Variants in SLC4A4 observed in about 807,000 individuals in gnomAD.
The protein encoded by SLC4A4 is electrogenic sodium bicarbonate cotransporter 1.
Under a neutral mutation model 111.5 loss-of-function variants are expected in SLC4A4, and 27 were observed. That is an observed-to-expected ratio of 0.24 (90% CI 0.18 to 0.33). The LOEUF (loss-of-function observed/expected upper bound fraction) is 0.33, where lower values mean the gene tolerates loss of function less well. Among genes scored for constraint, SLC4A4 ranks in the 10% least tolerant of loss-of-function variants. The pLI, the probability that SLC4A4 is intolerant of heterozygous loss-of-function variation, is 1.00. For synonymous variants in SLC4A4, 443 were observed against 463.4 expected, an observed-to-expected ratio of 0.96 and a Z score of 0.57; for missense variants, 909 against 1,315.5, an observed-to-expected ratio of 0.69 and a Z score of 4.78.
rs188708162 is a variant in SLC4A4 at position 71,276,220 on chromosome 4, C to T, written c.253+20821C>T. On this transcript the variant is annotated intron_variant, in intron 3 of 25. Coordinates refer to ENST00000264485, the MANE Select transcript of SLC4A4 (RefSeq NM_001098484.3). ...GATAGTACAGAAAGGTCTCATGTAT[C>T]CTTCAGTCCATTTCCCCAATGGTTA... Among the ~76,000 whole-genome samples, 18 of 152,290 alleles carry T rather than the reference C, an allele frequency of 1.2e-4. No individual in the cohort carries two copies. The East Asian group carries it at 2.7e-3, about 23-fold the overall frequency.
At chr4:71,565,630 A>G (rs993336634) in intron 24 of SLC4A4, among the ~76,000 whole-genome samples, 4 of 151,868 alleles carry the variant, frequency 2.6e-5, no homozygotes, top group African/African-American at 9.7e-5. Flanking sequence ...CTGGGCCCCA[A>G]CAGACCAAAC....
intron 14 of SLC4A4, among the ~76,000 whole-genome samples, chr4:71,481,418 G>A (rs1053110152): frequency 1.3e-5 from 2 of 151,616 alleles, no homozygotes; most frequent in Non-Finnish European, 3.0e-5. Context: ...AGATAAAGGG[G>A]AAGAACCTTT....
At chr4:71,080,662 G>A (rs1235296203) in intron 1 of SLC4A4, among the ~76,000 whole-genome samples, 1 of 151,968 alleles carries the variant, frequency 6.6e-6, no homozygotes, top group Non-Finnish European at 1.5e-5. Flanking sequence ...TTGTGCTAAT[G>A]GGCTCGTTAG....
Position 71,255,412 on chromosome 4 carries a change from T to C in SLC4A4, c.253+13T>C, listed in dbSNP as rs534397113. 2 of 1,612,870 alleles carry C rather than the reference T, an allele frequency of 1.2e-6. No homozygotes were observed. Among genetic ancestry groups the C allele is most frequent in the Non-Finnish European group, 1.7e-6 (2 of 1,179,176 alleles). Reference sequence around the variant, plus strand: ...CTAAAACCTCTCAGTGAGTACTCTCTGAGCGTTGGTGCCTCTCTCTGCCTC... The same window carrying C: ...CTAAAACCTCTCAGTGAGTACTCTCCGAGCGTTGGTGCCTCTCTCTGCCTC... On this transcript the variant is annotated intron_variant, in intron 3 of 25. Transcript: ENST00000264485.
chr4:71,556,839 C>G (rs1326569199), intron 21 of SLC4A4, among the ~76,000 whole-genome samples: 1 of 151,908 alleles, frequency 6.6e-6, no homozygotes, highest in Non-Finnish European at 1.5e-5. Flanking sequence ...GCACTTCTTT[C>G]CCTCCAGAAA....
chr4:71,538,608 A>G (rs2149221451), intron 18 of SLC4A4, among the ~76,000 whole-genome samples: 1 of 152,268 alleles, frequency 6.6e-6, no homozygotes. Context: ...CTGCTATGAA[A>G]TTGTTTCAAA....
intron 4 of SLC4A4, among the ~76,000 whole-genome samples, chr4:71,349,655 A>G (rs560853139): frequency 1.3e-5 from 2 of 152,296 alleles, no homozygotes; most frequent in African/African-American, 4.8e-5. Context: ...ATATAGGCAG[A>G]TATAAAACCA....
intron 2 of SLC4A4, among the ~76,000 whole-genome samples, chr4:71,141,154 C>A (rs978777062): frequency 6.6e-6 from 1 of 152,206 alleles, no homozygotes; most frequent in Non-Finnish European, 1.5e-5. Context: ...CTTTGATTCT[C>A]ATCTCCCCAT....
chr4:71,176,655 G>A (rs1013742943), intron 2 of SLC4A4, among the ~76,000 whole-genome samples: 8 of 152,168 alleles, frequency 5.3e-5, no homozygotes, highest in Non-Finnish European at 7.3e-5. Flanking sequence ...AATGAACAAA[G>A]CCTCCAAGAA....
intron 6 of SLC4A4, among the ~76,000 whole-genome samples, chr4:71,371,091 T>A (rs1731831337): frequency 6.6e-6 from 1 of 152,168 alleles, no homozygotes; most frequent in African/African-American, 2.4e-5. Context: ...TGCAAAGTAG[T>A]GTTAAATACT....
At chr4:71,224,363 A>G (rs1006245334) in intron 1 of SLC4A4, among the ~76,000 whole-genome samples, 1 of 152,208 alleles carries the variant, frequency 6.6e-6, no homozygotes, top group Admixed American at 6.5e-5. Context: ...TTAACAGATC[A>G]GTCGAATTGG....
At chr4:71,098,207 T>C (rs1742615206) in intron 2 of SLC4A4, among the ~76,000 whole-genome samples, 1 of 152,218 alleles carries the variant, frequency 6.6e-6, no homozygotes. Flanking sequence ...TTGTGTATGG[T>C]GTAAGGAAAG....
Position 71,424,615 on chromosome 4 carries a change from A to G in SLC4A4, c.808-16001A>G, listed in dbSNP as rs539069533. ...CCAAATGTCCAACAATGATAGACTG[A>G]ATTAAGAAAATGTGGCACATATACA... On this transcript the variant is annotated intron_variant, in intron 7 of 25. Transcript: ENST00000264485. 8.5e-5 allele frequency among the ~76,000 whole-genome samples: 13 copies of G among 152,150 alleles called. No homozygotes were observed. In the South Asian group the frequency reaches 1.5e-3, roughly 17 times the overall value.
intron 2 of SLC4A4, among the ~76,000 whole-genome samples, chr4:71,131,759 T>C (rs1743713055): frequency 6.6e-6 from 1 of 152,086 alleles, no homozygotes; most frequent in Admixed American, 6.5e-5. Flanking sequence ...CTAGTTCCAT[T>C]TGAATAGCAG....
intron 6 of SLC4A4, among the ~76,000 whole-genome samples, chr4:71,393,136 C>G (rs1234455686): frequency 6.6e-6 from 1 of 152,086 alleles, no homozygotes; most frequent in Non-Finnish European, 1.5e-5. Context: ...TTCACCACCC[C>G]TCTTCAACAT....
chr4:71,063,747 G>A (rs1741445681), intron 1 of SLC4A4, among the ~76,000 whole-genome samples: 1 of 151,998 alleles, frequency 6.6e-6, no homozygotes, highest in East Asian at 1.9e-4. Flanking sequence ...TTGTAACTTC[G>A]TCTTGTGTGT....
At chr4:71,140,830 A>C (rs1239261616) in intron 2 of SLC4A4, among the ~76,000 whole-genome samples, 1 of 152,214 alleles carries the variant, frequency 6.6e-6, no homozygotes, top group Admixed American at 6.5e-5. Flanking sequence ...TCTCACTAGG[A>C]TGATTGCAAA....
chr4:71,467,092 T>G (rs1011605727), intron 13 of SLC4A4, among the ~76,000 whole-genome samples: 15 of 152,074 alleles, frequency 9.9e-5, no homozygotes, highest in African/African-American at 3.6e-4. Context: ...CCACCTTGAC[T>G]CTAGCCCTCA....
At chr4:71,276,721 G>T (rs1218200795) in intron 3 of SLC4A4, among the ~76,000 whole-genome samples, 1 of 152,036 alleles carries the variant, frequency 6.6e-6, no homozygotes, top group African/African-American at 2.4e-5. Context: ...ATATTAAGAG[G>T]CATCTTGGTT....
Sources: allele counts gnomAD v4.1 joint callset (sites outside exome capture counted in the v4.1 genomes callset), GRCh38; gene constraint gnomAD v4.1.1; transcripts MANE v1.5; gene names NCBI Gene and HGNC (gene_info 2026-07-23, HGNC 2026-07-21).